Variants in MEIKIN observed in about 807,000 individuals in gnomAD.
MEIKIN encodes the protein meiosis-specific kinetochore protein.
rs1052785157 is a variant in MEIKIN, at chr5:131,807,042, T to C, written c.*194A>G. 6 of 379,688 alleles carry C rather than the reference T, an allele frequency of 1.6e-5. No homozygotes were observed. The highest frequency in any genetic ancestry group is 2.8e-5 in the Non-Finnish European group (6 of 215,092). 23.5% of individuals were successfully genotyped at this position (379,688 alleles called of 1,614,324 possible). ...ACATATATTTAAGAAGCATATGGAA[T>C]AATTTTTTTTCTTAACTGATTAAAA... On this transcript the variant is annotated 3_prime_UTR_variant, in exon 13 of 13. Transcript: ENST00000442687.
rs568998910 is a variant in MEIKIN, at chr5:131,925,662, G to GT, written c.479-3722dup. Reference sequence around the variant, plus strand: ...TTTAATCGTTCAAATAAGTTTTTGTGTTTTTTTTGTTTTTTGTTTTTTTTG... The same window carrying GT: ...TTTAATCGTTCAAATAAGTTTTTGTGTTTTTTTTTGTTTTTTGTTTTTTTTG... On this transcript the variant is annotated intron_variant, in intron 5 of 12. Transcript: ENST00000442687. Among the ~76,000 whole-genome samples the GT allele has an allele frequency of 2.8e-3, 417 of 151,278 alleles. 3 individuals are homozygous for GT. Among genetic ancestry groups the GT allele is most frequent in the African/African-American group, 9.6e-3 (395 of 41,258 alleles).
intron 8 of MEIKIN, among the ~76,000 whole-genome samples, chr5:131,887,836 C>T (rs1490104791): frequency 6.7e-6 from 1 of 150,216 alleles, no homozygotes; most frequent in African/African-American, 2.5e-5. Context: ...TTAGGTATAT[C>T]TCCTAATGCT....
intron 8 of MEIKIN, among the ~76,000 whole-genome samples, chr5:131,898,546 C>T (rs531104353): frequency 8.5e-5 from 13 of 152,218 alleles, no homozygotes; most frequent in Non-Finnish European, 1.8e-4. Flanking sequence ...AGTCTATAGA[C>T]GCAGTAAGCC....
At chr5:131,840,364 C>A (rs181652839) in intron 11 of MEIKIN, among the ~76,000 whole-genome samples, 1 of 152,088 alleles carries the variant, frequency 6.6e-6, no homozygotes, top group Non-Finnish European at 1.5e-5. Context: ...TGTGAAGTAT[C>A]TTAGTAAGGT....
chr5:131,901,423 G>A (rs902910819), intron 8 of MEIKIN, among the ~76,000 whole-genome samples: 3 of 152,106 alleles, frequency 2.0e-5, no homozygotes, highest in Non-Finnish European at 2.9e-5. Flanking sequence ...CCTGTGCCAT[G>A]CTGCCAACCC....
chr5:131,811,623 T>A (rs1212327890), intron 12 of MEIKIN, among the ~76,000 whole-genome samples: 3 of 152,072 alleles, frequency 2.0e-5, no homozygotes, highest in Non-Finnish European at 4.4e-5. Flanking sequence ...TTCTTTTTTT[T>A]TTTGAGATGC....
Position 131,851,374 on chromosome 5 carries a change from A to G in MEIKIN, c.865T>C (p.Ser289Pro). ...TCAAAAGATGCTTTTTGCACTGAGG[A>G]CAAATCAATCTATAAAAGAATACAT... Reference protein sequence around the residue: ...SETAGFVIDLSSVQKASFEEL... With the variant: ...SETAGFVIDLPSVQKASFEEL... Residue 289 changes from serine (S) to proline (P), a missense_variant, in exon 11 of 13, where the codon TCC (serine) becomes CCC (proline). Physicochemically the swap from Ser to Pro is moderately conservative, Grantham distance 74 (BLOSUM62 -1). Coordinates refer to ENST00000442687, the MANE Select transcript of MEIKIN (RefSeq NM_001303622.2). 2.5e-6 allele frequency: 1 copy of G among 398,072 alleles called. No homozygotes were observed. Among genetic ancestry groups the G allele is most frequent in the Admixed American group, 4.4e-5 (1 of 22,728 alleles). The allele number at this position is 398,072 out of a possible 1,614,324, so 24.7% of individuals were successfully genotyped here.
chr5:131,895,054 T>C (rs976177675), intron 8 of MEIKIN, among the ~76,000 whole-genome samples: 2 of 151,892 alleles, frequency 1.3e-5, no homozygotes, highest in African/African-American at 4.8e-5. Context: ...AATTTTGAGG[T>C]ACATTCCATG....
intron 8 of MEIKIN, among the ~76,000 whole-genome samples, chr5:131,892,370 G>A (rs1336568697): frequency 1.3e-5 from 2 of 152,058 alleles, no homozygotes; most frequent in African/African-American, 4.8e-5. Context: ...ACGTAATTTG[G>A]TCTTTTCACA....
chr5:131,924,718 C>T (rs934697217), intron 5 of MEIKIN, among the ~76,000 whole-genome samples: 32 of 152,082 alleles, frequency 2.1e-4, no homozygotes, highest in African/African-American at 7.5e-4. Flanking sequence ...GTTCCTTACG[C>T]ATTTTAATTA....
intron 5 of MEIKIN, among the ~76,000 whole-genome samples, chr5:131,930,748 C>T (rs1408975545): frequency 6.6e-6 from 1 of 152,158 alleles, no homozygotes; most frequent in African/African-American, 2.4e-5. Context: ...CCCACCTCAG[C>T]CTCCTAAAGC....
intron 11 of MEIKIN, among the ~76,000 whole-genome samples, chr5:131,837,577 C>T (rs1749831894): frequency 6.6e-6 from 1 of 152,020 alleles, no homozygotes; most frequent in Admixed American, 6.6e-5. Flanking sequence ...TTTCACCTCC[C>T]TAGTTAGCTG....
chr5:131,911,226 T>C (rs570246550), intron 8 of MEIKIN, among the ~76,000 whole-genome samples: 3 of 152,164 alleles, frequency 2.0e-5, no homozygotes, highest in South Asian at 4.1e-4. Context: ...CTTCTTAAAA[T>C]GAAGATTATG....
chr5:131,933,823 A>G (rs1580914193), intron 4 of MEIKIN, among the ~76,000 whole-genome samples, 182 bp from the exon 5 acceptor site: 2 of 152,226 alleles, frequency 1.3e-5, no homozygotes, highest in East Asian at 3.8e-4. Flanking sequence ...GATCTTGGAC[A>G]ATCATTCTAT....
intron 8 of MEIKIN, among the ~76,000 whole-genome samples, chr5:131,899,905 G>T (rs573104181): frequency 6.6e-6 from 1 of 152,316 alleles, no homozygotes; most frequent in Non-Finnish European, 1.5e-5. Flanking sequence ...GCACTGGACA[G>T]ATCTTCCAAA....
At chr5:131,927,770 A>G (rs1335679444) in intron 5 of MEIKIN, among the ~76,000 whole-genome samples, 2 of 152,180 alleles carry the variant, frequency 1.3e-5, no homozygotes, top group African/African-American at 4.8e-5. Flanking sequence ...ACATAAATAT[A>G]GCCACCCTCC....
chr5:131,861,507 G>C (rs924068576), intron 9 of MEIKIN, among the ~76,000 whole-genome samples: 1 of 152,196 alleles, frequency 6.6e-6, no homozygotes, highest in African/African-American at 2.4e-5. Flanking sequence ...AATGGGCATG[G>C]GGAAGGTGGG....
intron 9 of MEIKIN, among the ~76,000 whole-genome samples, chr5:131,861,988 T>G (rs1750293484): frequency 6.6e-6 from 1 of 152,228 alleles, no homozygotes; most frequent in Non-Finnish European, 1.5e-5. Flanking sequence ...GAGGATTCCC[T>G]CCTCTTCAAC....
At chr5:131,875,374 T>C (rs1004856207) in intron 9 of MEIKIN, among the ~76,000 whole-genome samples, 1 of 152,154 alleles carries the variant, frequency 6.6e-6, no homozygotes, top group African/African-American at 2.4e-5. Flanking sequence ...AGCCAAATCA[T>C]GAGTGAACTC....
Sources: gnomAD v4.1 joint callset for allele counts (sites outside exome capture counted in the v4.1 genomes callset) on GRCh38, gnomAD v4.1.1 for gene constraint, MANE v1.5 for transcripts, NCBI Gene and HGNC (gene_info 2026-07-23, HGNC 2026-07-21) for gene names.